The following UGT2A3 variants were observed in gnomAD, a reference collection of about 807,000 sequenced individuals.
UGT2A3 encodes UDP-glucuronosyltransferase 2A3.
In UGT2A3, 55 loss-of-function variants were observed where a neutral mutation model predicts 44.1. That is an observed-to-expected ratio of 1.25 (90% confidence interval 1.00 to 1.56). The LOEUF is 1.56. Ranked by LOEUF, UGT2A3 falls within the 40% of genes most tolerant of loss-of-function variation. UGT2A3 has a pLI of 0.00. For missense variants in UGT2A3, 733 were observed against 621.6 expected (o/e 1.18, Z -1.91); for synonymous variants, 243 against 215.1 (o/e 1.13, Z -1.13).
rs568062259 is a variant in UGT2A3 at position 68,950,028 on chromosome 4, G to T, written c.715+1018C>A. On this transcript the variant is annotated intron_variant, in intron 1 of 5. Transcript: ENST00000251566. ...TATTTTAAATTTCAATCTTGTCAGG[G>T]GGCTTTTACTATAATCCTATTTTAC... Among the ~76,000 whole-genome samples the T allele has an allele frequency of 2.6e-5, 4 of 151,684 alleles. No individual in the cohort carries two copies. The South Asian group carries it at 8.3e-4, about 31-fold the overall frequency.
intron 5 of UGT2A3, 148 bp downstream of exon 5, chr4:68,930,398 A>T: frequency 1.2e-6 from 1 of 844,518 alleles, no homozygotes; most frequent in Non-Finnish European, 1.8e-6. Context: ...TACAATTTCC[A>T]CAACTATTCC....
intron 1 of UGT2A3, among the ~76,000 whole-genome samples, chr4:68,946,671 G>A (rs1292048529): frequency 6.6e-6 from 1 of 151,662 alleles, no homozygotes; most frequent in East Asian, 2.0e-4. Flanking sequence ...GGATAAAGAT[G>A]ATCAAAGGAA....
At chr4:68,944,632 A>C (rs1718314769) in intron 2 of UGT2A3, among the ~76,000 whole-genome samples, 1 of 151,816 alleles carries the variant, frequency 6.6e-6, no homozygotes, top group African/African-American at 2.4e-5. Flanking sequence ...TTGTCCTGAT[A>C]ACTATCGATA....
At chr4:68,936,030 A>G (rs1184485611) in intron 2 of UGT2A3, among the ~76,000 whole-genome samples, 1 of 152,128 alleles carries the variant, frequency 6.6e-6, no homozygotes, top group African/African-American at 2.4e-5. Context: ...GTAAAAAGAA[A>G]GGAACAAAGC....
intron 2 of UGT2A3, chr4:68,943,420 T>C: frequency 1.1e-6 from 1 of 873,516 alleles, no homozygotes; most frequent in Admixed American, 3.9e-5. Flanking sequence ...AATAAAATTA[T>C]ATTCATCAAT....
chr4:68,940,670 A>G (rs995240825), intron 2 of UGT2A3, among the ~76,000 whole-genome samples: 27 of 150,826 alleles, frequency 1.8e-4, no homozygotes, highest in South Asian at 1.3e-3. Context: ...CATCCTGCAC[A>G]TGTACCCTTG....
intron 1 of UGT2A3, among the ~76,000 whole-genome samples, chr4:68,947,566 G>A (rs1718425494): frequency 6.6e-6 from 1 of 151,624 alleles, no homozygotes; most frequent in Admixed American, 6.6e-5. Flanking sequence ...TTCCTCTCAT[G>A]AACCATGAAT....
chr4:68,943,368 G>A (rs1290248751), intron 2 of UGT2A3: 4 of 1,250,208 alleles, frequency 3.2e-6, no homozygotes, highest in Non-Finnish European at 4.1e-6. Flanking sequence ...TGGTTTTCTG[G>A]TATAACTTTC....
At chr4:68,943,158 T>C in intron 2 of UGT2A3, 1 of 345,724 alleles carries the variant, frequency 2.9e-6, no homozygotes. Flanking sequence ...TGTATGGATC[T>C]AACTTTTTTA....
Position 68,930,706 on chromosome 4 carries a change from T to C in UGT2A3, c.1144A>G (p.Ile382Val), listed in dbSNP as rs777092857. The change falls in exon 5 of 6, where the codon ATT (isoleucine) becomes GTT (valine). Residue 382 changes from isoleucine to valine, a missense_variant. Coordinates refer to ENST00000251566, the MANE Select transcript of UGT2A3 (RefSeq NM_024743.4). Reference protein sequence around the residue: ...HGGMNGIYEAIYHGVPMVGVP... With the variant: ...HGGMNGIYEAVYHGVPMVGVP... ...CCCACCATAGGGACCCCATGGTAAA[T>C]AGCTTCATAGATCCCATTCATTCCA... The C allele has an allele frequency of 8.8e-5, 142 of 1,612,778 alleles. No homozygotes were observed. The highest frequency in any genetic ancestry group is 1.1e-4 in the Non-Finnish European group (129 of 1,179,398).
At chr4:68,941,576 G>C (rs1313157967) in intron 2 of UGT2A3, among the ~76,000 whole-genome samples, 1 of 151,886 alleles carries the variant, frequency 6.6e-6, no homozygotes, top group Non-Finnish European at 1.5e-5. Flanking sequence ...CATTGGTCTA[G>C]GCAAGGATTT....
rs1718578827 is a variant in UGT2A3 at position 68,951,275 on chromosome 4, A to C, written c.486T>G (p.Leu162=). The C allele has an allele frequency of 6.2e-7, 1 of 1,611,720 alleles. No homozygotes were observed. The highest frequency in any genetic ancestry group is 1.7e-5 in the Admixed American group (1 of 59,668). The stretch of plus-strand genomic sequence containing the variant: ...TAAGTGTGAGCACAAAAGGGACTGC[A>C]AGCAACTCAGCCATCAGGTCTCCAC... ...IPCGDLMAEL[L]AVPFVLTLRI... Residue 162 remains leucine (L), a synonymous_variant, in exon 1 of 6, where the codon CTT becomes CTG. Transcript: ENST00000251566.
chr4:68,949,097 G>A (rs1273671093), intron 1 of UGT2A3, among the ~76,000 whole-genome samples: 2 of 151,748 alleles, frequency 1.3e-5, no homozygotes, highest in African/African-American at 4.8e-5. Flanking sequence ...CCCAGGGAGA[G>A]CATTAATGTA....
chr4:68,946,006 AG>A (rs951962597), intron 1 of UGT2A3, among the ~76,000 whole-genome samples: 24 of 151,566 alleles, frequency 1.6e-4, no homozygotes, highest in Admixed American at 7.3e-4. Flanking sequence ...TTTAATTAAT[AG>A]GCTACTGTTT....
In UGT2A3 at chr4:68,929,980, G is replaced by A. The variant is rs762145839; in HGVS notation, c.1417C>T (p.His473Tyr). 2 of 1,613,630 alleles carry A rather than the reference G, an allele frequency of 1.2e-6. No individual in the cohort carries two copies. Among genetic ancestry groups the A allele is most frequent in the South Asian group, 2.2e-5 (2 of 91,072 alleles). The stretch of plus-strand genomic sequence containing the variant: ...AGGTCATGGGCAGCTGATCGCAGGT[G>A]CTTGGCTCCTTTGTGGCGCATGACA... ...EFVMRHKGAK[H>Y]LRSAAHDLTW... The change falls in exon 6 of 6, where the codon CAC becomes TAC. Residue 473 changes from histidine to tyrosine, a missense_variant. Physicochemically the swap from His to Tyr is moderately conservative, Grantham distance 83 (BLOSUM62 2). Coordinates refer to ENST00000251566, the MANE Select transcript of UGT2A3 (RefSeq NM_024743.4).
chr4:68,930,452 C>A, intron 5 of UGT2A3, 94 bp downstream of exon 5: 1 of 1,216,768 alleles, frequency 8.2e-7, no homozygotes. Flanking sequence ...AGTAAAATCC[C>A]TCAACATGTC....
rs1717612660 is a variant in UGT2A3, at chr4:68,928,849, C to T, written c.*964G>A. 2 of 151,900 alleles carry T rather than the reference C, an allele frequency of 1.3e-5. No homozygotes were observed. The highest frequency in any genetic ancestry group is 4.1e-4 in the South Asian group (2 of 4,824). 9.4% of individuals were successfully genotyped at this position (151,900 alleles called of 1,614,324 possible). On this transcript the variant is annotated 3_prime_UTR_variant, in exon 6 of 6. Coordinates refer to ENST00000251566, the MANE Select transcript of UGT2A3 (RefSeq NM_024743.4). ...TGTAAGCAATTATTTGATGAATTTA[C>T]AATTCTCAAAGATTGAGACTGAAAA...
Position 68,930,633 on chromosome 4 carries a change from G to A in UGT2A3, c.1217C>T (p.Ala406Val), listed in dbSNP as rs1236119377. Residue 406 changes from alanine to valine, a missense_variant, in exon 5 of 6, where the codon GCC becomes GTC. By Grantham distance (64) the Ala-to-Val change is moderately conservative. Transcript: ENST00000251566. ...DQLDNIAHMK[A>V]KGAAVEINFK... ...GTTTATTTCTACAGCTGCTCCTTTG[G>A]CCTTCATGTGAGCTATGTTATCAAG... The A allele has an allele frequency of 3.1e-6, 5 of 1,613,400 alleles. No individual in the cohort carries two copies. Among genetic ancestry groups the A allele is most frequent in the Non-Finnish European group, 4.2e-6 (5 of 1,179,674 alleles).
rs755243402 is a variant in UGT2A3 at position 68,930,765 on chromosome 4, C to T, written c.1085G>A (p.Gly362Asp). The part of the protein sequence containing the change: ...YDWIPQNDLL[G>D]HPKTKAFITH... ...GATAAAAGCTTTGGTTTTGGGATGA[C>T]CTAGTATGTAAATTGGATGAGAAAT... The change falls in exon 5 of 6, where the codon GGT becomes GAT. Residue 362 changes from glycine (G) to aspartate (D), a missense_variant and splice_region_variant. By Grantham distance (94) the Gly-to-Asp change is moderately conservative. Coordinates refer to ENST00000251566, the MANE Select transcript of UGT2A3 (RefSeq NM_024743.4). 2.5e-6 allele frequency: 4 copies of T among 1,573,800 alleles called. No individual in the cohort carries two copies. The Admixed American group carries it at 5.9e-5, about 23-fold the overall frequency.
Sources: allele counts gnomAD v4.1 joint callset (sites outside exome capture counted in the v4.1 genomes callset), GRCh38; gene constraint gnomAD v4.1.1; transcripts MANE v1.5; gene names NCBI Gene and HGNC (gene_info 2026-07-23, HGNC 2026-07-21).